Variants in TADA2A observed in about 807,000 individuals in gnomAD.
TADA2A encodes transcriptional adapter 2-alpha.
A neutral mutation model predicts 67.4 loss-of-function variants in TADA2A; 38 were observed. The observed-to-expected ratio is 0.56, with a 90% CI of 0.44 to 0.74. TADA2A has a LOEUF of 0.74. TADA2A is among the 30% of genes least tolerant of loss of function. The pLI is 0.00. For missense variants in TADA2A, 454 were observed against 547.0 expected (o/e 0.83, Z 1.70); for synonymous variants, 192 against 181.6 (o/e 1.06, Z -0.46).
chr17:37,424,874 T>C (rs1055468304), intron 3 of TADA2A, among the ~76,000 whole-genome samples: 8 of 151,302 alleles, frequency 5.3e-5, no homozygotes, highest in Non-Finnish European at 1.2e-4. Flanking sequence ...CTTTTTTTTC[T>C]TTTCCACGAC....
At chr17:37,462,946 C>T (rs2148026757) in intron 10 of TADA2A, among the ~76,000 whole-genome samples, 1 of 151,950 alleles carries the variant, frequency 6.6e-6, no homozygotes, top group African/African-American at 2.4e-5. Flanking sequence ...AAATAAATGC[C>T]ACCTTTGACC....
At chr17:37,454,662 G>T in intron 8 of TADA2A, 1 of 266,830 alleles carries the variant, frequency 3.7e-6, no homozygotes, top group South Asian at 4.9e-5. Flanking sequence ...ATAAAAAAGG[G>T]ACACTTGGAA....
At chr17:37,462,920 C>T (rs909403224) in intron 10 of TADA2A, among the ~76,000 whole-genome samples, 1 of 151,966 alleles carries the variant, frequency 6.6e-6, no homozygotes, top group Non-Finnish European at 1.5e-5. Context: ...GATAAAAATA[C>T]ATATAGTGAT....
chr17:37,458,637 T>TTTG (rs1230849870), intron 9 of TADA2A, 50 bp downstream of exon 9: 8 of 981,466 alleles, frequency 8.2e-6, no homozygotes, highest in African/African-American at 1.7e-5. Flanking sequence ...GATTATTGTT[T>TTTG]TGTGTGTGTG....
At chr17:37,476,001 ATT>A (rs1409803463) in intron 15 of TADA2A, among the ~76,000 whole-genome samples, 8 of 152,084 alleles carry the variant, frequency 5.3e-5, no homozygotes, top group Non-Finnish European at 1.0e-4. Flanking sequence ...ACCATATATC[ATT>A]AGTTCAGTTC....
chr17:37,426,968 G>C lies in TADA2A; in HGVS notation c.151G>C (p.Glu51Gln). The change falls in exon 4 of 16, where the codon GAG becomes CAG. Residue 51 changes from glutamate to glutamine, a missense_variant. Around this residue, in one of 2 missense-constraint regions of TADA2A, gnomAD observed 403 missense variants for 455.5 expected, o/e 0.88. Transcript: ENST00000615182. ...TTTGCAGTGTTTCACTCGAGGCTTT[G>C]AGTACAAGAAACATCAAAGCGATCA... ...LCLQCFTRGF[E>Q]YKKHQSDHTY... is the part of the protein sequence containing the mutation. 1 of 1,598,018 alleles carries C rather than the reference G, an allele frequency of 6.3e-7. No individual in the cohort carries two copies. The highest frequency in any genetic ancestry group is 8.5e-7 in the Non-Finnish European group (1 of 1,175,644).
At chr17:37,437,966 A>G in intron 5 of TADA2A, 137 bp downstream of exon 5, 1 of 756,332 alleles carries the variant, frequency 1.3e-6, no homozygotes. Flanking sequence ...GAGGCAAGTT[A>G]GTCCCCTCTG....
chr17:37,453,570 C>G (rs1198840382), intron 8 of TADA2A, among the ~76,000 whole-genome samples: 3 of 152,094 alleles, frequency 2.0e-5, no homozygotes, highest in African/African-American at 7.2e-5. Context: ...TTTGAACATA[C>G]AGTTTAAAAC....
intron 4 of TADA2A, chr17:37,436,321 C>T (rs10048204): frequency 7.2e-5 from 11 of 151,902 alleles, no homozygotes; most frequent in African/African-American, 2.4e-4. Flanking sequence ...TTTCTGAGTT[C>T]GTTATATTTT....
At chr17:37,422,788 A>T (rs1457525325) in intron 2 of TADA2A, among the ~76,000 whole-genome samples, 1 of 152,114 alleles carries the variant, frequency 6.6e-6, no homozygotes, top group Non-Finnish European at 1.5e-5. Flanking sequence ...AGGGTAAGCT[A>T]ATGTGGCCGG....
At chr17:37,470,335 C>A in intron 12 of TADA2A, 65 bp from the exon 13 acceptor site, 2 of 1,580,810 alleles carry the variant, frequency 1.3e-6, no homozygotes, top group South Asian at 2.3e-5. Context: ...GTTTCTTGGT[C>A]AGTTAGGAAG....
chr17:37,450,557 A>ACTTT (rs1440973098), intron 8 of TADA2A: 1 of 152,224 alleles, frequency 6.6e-6, no homozygotes, highest in East Asian at 1.9e-4. Flanking sequence ...CCGTTTGGAA[A>ACTTT]CTTTATCATT....
intron 10 of TADA2A, among the ~76,000 whole-genome samples, chr17:37,462,807 T>A (rs1308329199): frequency 6.6e-6 from 1 of 152,178 alleles, no homozygotes; most frequent in Non-Finnish European, 1.5e-5. Flanking sequence ...ATAACCTTAA[T>A]CTTCAGGTTG....
At chr17:37,409,064 C>T (rs771455941) in intron 1 of TADA2A, among the ~76,000 whole-genome samples, 2 of 152,014 alleles carry the variant, frequency 1.3e-5, no homozygotes, top group South Asian at 2.1e-4. Context: ...GATAGGTATC[C>T]GATATAGTCT....
rs577254234 is a variant in TADA2A at position 37,408,868 on chromosome 17, G to A, written c.-98+1919G>A. On this transcript the variant is annotated intron_variant, in intron 1 of 15. Transcript: ENST00000615182. The stretch of plus-strand genomic sequence containing the variant: ...AAAAAGGGAAAGTTCTTTGATGGCA[G>A]CGTTAGCAGAAATGTTGCCCACACT... Among the ~76,000 whole-genome samples the A allele has an allele frequency of 6.6e-5, 10 of 152,302 alleles. No homozygotes were observed. In the South Asian group the frequency reaches 1.9e-3, roughly 28 times the overall value.
Position 37,440,517 on chromosome 17 carries a change from C to T in TADA2A, c.297C>T (p.Ala99=). The change falls in exon 6 of 16, where the codon GCC becomes GCT. Residue 99 remains alanine (A), a synonymous_variant. Transcript: ENST00000615182. ...DCGFGNWQDV[A]NQMCTKTKEE... is the part of the protein sequence containing the mutation. ...CACAATCCTCTAGGCAGGATGTAGC[C>T]AATCAAATGTGCACCAAGACCAAGG... 4 of 1,614,020 alleles carry T rather than the reference C, an allele frequency of 2.5e-6. No individual in the cohort carries two copies. Among genetic ancestry groups the T allele is most frequent in the Non-Finnish European group, 3.4e-6 (4 of 1,179,964 alleles).
intron 8 of TADA2A, among the ~76,000 whole-genome samples, chr17:37,451,955 G>T (rs1210859493): frequency 2.0e-5 from 3 of 152,068 alleles, no homozygotes; most frequent in African/African-American, 7.2e-5. Flanking sequence ...TTGCACTCCA[G>T]CCTGGGCGAC....
chr17:37,442,736 T>C (rs1181226922), intron 7 of TADA2A, 84 bp downstream of exon 7: 1 of 1,297,428 alleles, frequency 7.7e-7, no homozygotes, highest in Non-Finnish European at 1.1e-6. Flanking sequence ...ATAGATTCCA[T>C]ACCACTAAAA....
At position 37,477,347 on chromosome 17, in the gene TADA2A, G is replaced by A. The variant is rs140661855; in HGVS notation, c.*365G>A. On this transcript the variant is annotated 3_prime_UTR_variant, in exon 16 of 16. Coordinates refer to ENST00000615182, the MANE Select transcript of TADA2A (RefSeq NM_001166105.3). The stretch of plus-strand genomic sequence containing the variant: ...GGAGTCCAGCTCAGATCCTTATATT[G>A]CGAGGTAAGTTTGCTGATTATCTGT... 5.1e-6 allele frequency: 1 copy of A among 194,866 alleles called. No homozygotes were observed. The highest frequency in any genetic ancestry group is 1.0e-5 in the Non-Finnish European group (1 of 97,090). The allele number at this position is 194,866 out of a possible 1,614,324, so 12.1% of individuals were successfully genotyped here.
Sources: gnomAD v4.1 joint callset for allele counts (sites outside exome capture counted in the v4.1 genomes callset) on GRCh38, gnomAD v4.1.1 for gene constraint, gnomAD v4.1.1 regional missense constraint, MANE v1.5 for transcripts, NCBI Gene and HGNC (gene_info 2026-07-23, HGNC 2026-07-21) for gene names.